The following KAZN variants were observed in gnomAD, a reference collection of about 807,000 sequenced individuals.
KAZN encodes the protein kazrin.
A neutral mutation model predicts 87.4 loss-of-function variants in KAZN; 40 were observed. The observed-to-expected ratio is 0.46, with a 90% CI of 0.36 to 0.60. The LOEUF (loss-of-function observed/expected upper bound fraction) is 0.60. Ranked by LOEUF, KAZN falls within the 20% of genes least tolerant of loss-of-function variation. The probability of loss-of-function intolerance (pLI) is 0.00; values close to 1 mark genes in which losing one functional copy is unlikely to be tolerated. For synonymous variants in KAZN, 466 were observed against 458.3 expected (o/e 1.02, Z -0.22); for missense variants, 898 against 1,073.9 (o/e 0.84, Z 2.29).
At chr1:14,680,746 C>A (rs1572207826) in intron 1 of KAZN, among the ~76,000 whole-genome samples, 1 of 152,212 alleles carries the variant, frequency 6.6e-6, no homozygotes, top group African/African-American at 2.4e-5. Flanking sequence ...GTTTGAGATT[C>A]ATCTAAGTTG....
chr1:14,701,047 G>A (rs1217148017), intron 1 of KAZN, among the ~76,000 whole-genome samples: 1 of 152,130 alleles, frequency 6.6e-6, no homozygotes, highest in Non-Finnish European at 1.5e-5. Context: ...GTTCTGTATT[G>A]GACATTTCAA....
intron 2 of KAZN, among the ~76,000 whole-genome samples, chr1:14,396,641 T>G (rs911539177): frequency 1.3e-5 from 2 of 152,218 alleles, no homozygotes; most frequent in African/African-American, 4.8e-5. Flanking sequence ...CTCGAGTTTC[T>G]GGAAGATAAT....
intron 1 of KAZN, among the ~76,000 whole-genome samples, chr1:14,029,906 T>C (rs986307103): frequency 3.5e-4 from 54 of 152,326 alleles, no homozygotes; most frequent in African/African-American, 1.2e-3. Flanking sequence ...AGTCAGGTAG[T>C]GTGATGCCTC....
At chr1:14,249,334 T>C (rs532000877) in intron 2 of KAZN, among the ~76,000 whole-genome samples, 1 of 152,316 alleles carries the variant, frequency 6.6e-6, no homozygotes, top group East Asian at 1.9e-4. Flanking sequence ...TATGTGAACT[T>C]TTGAATTAAA....
rs772211545 is a variant in KAZN, at chr1:14,648,710, G to A, written c.226+49487G>A. 3.3e-5 allele frequency among the ~76,000 whole-genome samples: 5 copies of A among 152,168 alleles called. 1 individual carries two copies. In the South Asian group the frequency reaches 6.2e-4, roughly 19 times the overall value. ...TTTGCTTCAAGGGGTGGTTCCTTCC[G>A]TGAATACTTAAAGGAGTTAGAGATT... On this transcript the variant is annotated intron_variant, in intron 1 of 14. Transcript: ENST00000376030.
chr1:14,222,244 C>CGT (rs1469160360), intron 2 of KAZN: 7 of 152,068 alleles, frequency 4.6e-5, no homozygotes, highest in African/African-American at 1.7e-4. Flanking sequence ...TAAGATTATT[C>CGT]GTGGGGGATT....
At chr1:14,103,332 G>T (rs1466750702) in intron 1 of KAZN, among the ~76,000 whole-genome samples, 2 of 152,182 alleles carry the variant, frequency 1.3e-5, no homozygotes, top group Non-Finnish European at 2.9e-5. Flanking sequence ...GCATGTTGAG[G>T]CACTGGGGGT....
Position 15,077,055 on chromosome 1 carries a change from G to A in KAZN, c.1222+11302G>A, listed in dbSNP as rs1386235116. On this transcript the variant is annotated intron_variant, in intron 8 of 14. Coordinates refer to ENST00000376030, the MANE Select transcript of KAZN (RefSeq NM_201628.3). This position sits in a 1 kb window ranked among gnomAD's most constrained non-coding sequence, Gnocchi z 4.8. ...AGGAAGCAGCTCTGCTCACTCCAGC[G>A]AGGCTGCTCGGAGCAATGCCAGCCT... Among the ~76,000 whole-genome samples, 5 of 152,352 alleles carry A rather than the reference G, an allele frequency of 3.3e-5. No homozygotes were observed. Among genetic ancestry groups the A allele is most frequent in the Middle Eastern group, 3.4e-3 (1 of 294 alleles).
intron 1 of KAZN, among the ~76,000 whole-genome samples, chr1:13,971,603 TTTGTTG>T (rs147943812): frequency 1.0e-4 from 14 of 133,890 alleles, no homozygotes; most frequent in East Asian, 6.6e-4. Context: ...AGGTTTTTTT[TTTGTTG>T]TTGTTGTTGT....
At chr1:14,315,565 T>G (rs989569863) in intron 2 of KAZN, among the ~76,000 whole-genome samples, 9 of 152,028 alleles carry the variant, frequency 5.9e-5, no homozygotes, top group Non-Finnish European at 5.9e-5. Flanking sequence ...CAGCCTCCCA[T>G]CCCAGCCCAG....
intron 1 of KAZN, among the ~76,000 whole-genome samples, chr1:13,966,717 A>G (rs1641959550): frequency 6.6e-6 from 1 of 152,200 alleles, no homozygotes; most frequent in Non-Finnish European, 1.5e-5. Context: ...TAAAATAGAC[A>G]CAGGATTTCG....
chr1:15,011,453 T>A (rs546652256), intron 2 of KAZN, among the ~76,000 whole-genome samples: 2 of 152,238 alleles, frequency 1.3e-5, no homozygotes, highest in African/African-American at 4.8e-5. Flanking sequence ...TTCTGCCCAT[T>A]TCTCAGAAAT....
intron 2 of KAZN, among the ~76,000 whole-genome samples, chr1:14,226,050 A>C (rs531801975): frequency 6.6e-6 from 1 of 152,254 alleles, no homozygotes; most frequent in East Asian, 1.9e-4. Flanking sequence ...AGCAAAAAAC[A>C]AAAAAACAAA....
chr1:14,056,821 T>C (rs1434198553), intron 1 of KAZN, among the ~76,000 whole-genome samples: 2 of 152,080 alleles, frequency 1.3e-5, no homozygotes, highest in African/African-American at 4.8e-5. Context: ...ATGGCCTCGC[T>C]CCTGTACACC....
chr1:14,533,138 C>T (rs1229930718), intron 2 of KAZN, among the ~76,000 whole-genome samples: 1 of 152,130 alleles, frequency 6.6e-6, no homozygotes, highest in Non-Finnish European at 1.5e-5. Flanking sequence ...GGCCCAGCAC[C>T]TTGAGAGCTT....
intron 2 of KAZN, among the ~76,000 whole-genome samples, chr1:14,299,017 A>G (rs1467344791): frequency 6.6e-6 from 1 of 152,158 alleles, no homozygotes; most frequent in South Asian, 2.1e-4. Flanking sequence ...TGGCGTGGCT[A>G]TTGTTAATGC....
At chr1:15,020,125 C>A (rs1670518821) in intron 2 of KAZN, among the ~76,000 whole-genome samples, 1 of 152,134 alleles carries the variant, frequency 6.6e-6, no homozygotes, top group Admixed American at 6.5e-5. Context: ...CTCACTGCTA[C>A]CCCAGGCGGG....
At chr1:14,758,321 A>T (rs1386075394) in intron 1 of KAZN, among the ~76,000 whole-genome samples, 1 of 135,658 alleles carries the variant, frequency 7.4e-6, no homozygotes, top group Non-Finnish European at 1.6e-5. Flanking sequence ...ACACAGCACC[A>T]CACCCAACTA....
intron 1 of KAZN, among the ~76,000 whole-genome samples, chr1:14,038,290 T>A (rs939278823): frequency 2.0e-5 from 3 of 151,488 alleles, no homozygotes; most frequent in Non-Finnish European, 4.4e-5. Flanking sequence ...TTAAGTAGGG[T>A]GGTGAGGTCA....
Sources: gnomAD v4.1 joint callset for allele counts (sites outside exome capture counted in the v4.1 genomes callset) on GRCh38, gnomAD v4.1.1 for gene constraint, Gnocchi (gnomAD v3.1) non-coding constraint, MANE v1.5 for transcripts, NCBI Gene and HGNC (gene_info 2026-07-23, HGNC 2026-07-21) for gene names.